The following TNIK variants were observed in gnomAD, a reference collection of about 807,000 sequenced individuals.
TNIK encodes TRAF2 and NCK interacting kinase.
Under a neutral mutation model 191.3 loss-of-function variants are expected in TNIK, and 49 were observed. The observed-to-expected ratio is 0.26, with a 90% CI of 0.20 to 0.32. TNIK has a LOEUF of 0.32. Ranked by LOEUF, TNIK falls within the 10% of genes least tolerant of loss-of-function variation. The pLI is 1.00. For synonymous variants in TNIK, 594 were observed against 600.9 expected (o/e 0.99, Z 0.17); for missense variants, 1,155 against 1,702.3 (o/e 0.68, Z 5.66).
intron 21 of TNIK, among the ~76,000 whole-genome samples, chr3:171,102,598 G>C (rs1394320925): frequency 2.0e-5 from 3 of 152,160 alleles, no homozygotes; most frequent in Non-Finnish European, 4.4e-5. Context: ...CATGCAAATG[G>C]GGAAAAAGCA....
intron 2 of TNIK, among the ~76,000 whole-genome samples, chr3:171,359,286 G>A (rs563244233): frequency 5.3e-5 from 8 of 152,122 alleles, no homozygotes; most frequent in African/African-American, 1.2e-4. Flanking sequence ...AAACAGTAAC[G>A]GGCAAGTTTT....
intron 18 of TNIK, among the ~76,000 whole-genome samples, chr3:171,120,629 A>C (rs1727588655): frequency 6.6e-6 from 1 of 151,926 alleles, no homozygotes; most frequent in Non-Finnish European, 1.5e-5. Flanking sequence ...TCTTTTTTTA[A>C]AAAATTGATT....
intron 11 of TNIK, among the ~76,000 whole-genome samples, chr3:171,157,911 T>C (rs1179566696): frequency 6.6e-6 from 1 of 152,160 alleles, no homozygotes; most frequent in Non-Finnish European, 1.5e-5. Context: ...GGATGTCACA[T>C]TCTCAGAGTT....
intron 4 of TNIK, among the ~76,000 whole-genome samples, chr3:171,199,908 A>G (rs757117635): frequency 1.3e-5 from 2 of 152,248 alleles, no homozygotes; most frequent in African/African-American, 2.4e-5. Context: ...AGTTTCTGAC[A>G]TGGAAGATAG....
At chr3:171,421,439 A>G (rs1372631862) in intron 1 of TNIK, among the ~76,000 whole-genome samples, 4 of 152,174 alleles carry the variant, frequency 2.6e-5, no homozygotes, top group Non-Finnish European at 5.9e-5. Flanking sequence ...TAGCCCCTTC[A>G]TGGGCCTGTG....
intron 1 of TNIK, among the ~76,000 whole-genome samples, chr3:171,418,512 T>TA (rs1467153581): frequency 6.6e-6 from 1 of 152,096 alleles, no homozygotes; most frequent in Non-Finnish European, 1.5e-5. Context: ...ATTTGGTCAT[T>TA]AAAAGGAGTG....
intron 1 of TNIK, among the ~76,000 whole-genome samples, chr3:171,380,209 A>C (rs1306763802): frequency 6.6e-6 from 1 of 152,206 alleles, no homozygotes; most frequent in Non-Finnish European, 1.5e-5. Context: ...ATTTGCAAAC[A>C]TGGGATCCTT....
intron 2 of TNIK, chr3:171,347,340 T>C: frequency 9.7e-7 from 1 of 1,026,784 alleles, no homozygotes; most frequent in Non-Finnish European, 1.4e-6. Flanking sequence ...AGATGCCTGG[T>C]ATACAAGTCC....
chr3:171,151,317 A>G (rs1363475543), intron 12 of TNIK, among the ~76,000 whole-genome samples: 1 of 152,228 alleles, frequency 6.6e-6, no homozygotes, highest in Non-Finnish European at 1.5e-5. Flanking sequence ...ATTATAACAA[A>G]TATTCTTCCC....
chr3:171,093,955 G>T lies in TNIK; in HGVS notation c.2605C>A (p.Pro869Thr). The T allele has an allele frequency of 6.2e-7, 1 of 1,613,032 alleles. No individual in the cohort carries two copies. The highest frequency in any genetic ancestry group is 8.5e-7 in the Non-Finnish European group (1 of 1,179,550). The change falls in exon 23 of 33, where the codon CCA (proline) becomes ACA (threonine). Residue 869 changes from proline to threonine, a missense_variant. Coordinates refer to ENST00000436636, the MANE Select transcript of TNIK (RefSeq NM_015028.4). ...ACATTGTACTGCTCGTTGCTGCCTG[G>T]AGCTCCTGTTGGTCTGAGATGAGAA... is the stretch of plus-strand genomic sequence containing the variant. ...DIPRLIPTGA[P>T]GSNEQYNVGM... is the part of the protein sequence containing the mutation.
chr3:171,412,900 C>G (rs532930972), intron 1 of TNIK, among the ~76,000 whole-genome samples: 1 of 152,272 alleles, frequency 6.6e-6, no homozygotes, highest in African/African-American at 2.4e-5. Context: ...AGAGGGAACA[C>G]AGCCAAGCTA....
chr3:171,314,912 A>G (rs1046282819), intron 2 of TNIK, among the ~76,000 whole-genome samples: 4 of 152,140 alleles, frequency 2.6e-5, no homozygotes, highest in African/African-American at 7.2e-5. Flanking sequence ...TGTCCTTTGC[A>G]AACAAAAAGC....
Position 171,460,159 on chromosome 3 carries a change from G to C in TNIK, c.-96C>G, listed in dbSNP as rs1350051805. On this transcript the variant is annotated 5_prime_UTR_variant, in exon 1 of 33. Transcript: ENST00000436636. This position sits in a 1 kb window ranked among gnomAD's most constrained non-coding sequence, Gnocchi z 6.8. Reference sequence around the variant, plus strand: ...CTATTTCACTCGCGTCCTCATGCGGGTGTCGCGCCAGAGGCCCCGGGCCCA... The same window carrying C: ...CTATTTCACTCGCGTCCTCATGCGGCTGTCGCGCCAGAGGCCCCGGGCCCA... 18 of 1,490,772 alleles carry C rather than the reference G, an allele frequency of 1.2e-5. No individual in the cohort carries two copies. The highest frequency in any genetic ancestry group is 5.6e-5 in the African/African-American group (4 of 72,048). The allele number at this position is 1,490,772 out of a possible 1,614,324, so 92.3% of individuals were successfully genotyped here. A position where few individuals can be genotyped will look rare whatever the true frequency, so the allele number is the denominator to read the frequency against.
chr3:171,226,027 A>G (rs1742920260), intron 3 of TNIK, among the ~76,000 whole-genome samples: 1 of 152,194 alleles, frequency 6.6e-6, no homozygotes, highest in Non-Finnish European at 1.5e-5. Context: ...GGAGCTTTGT[A>G]AAATGTTTAC....
rs563867817 is a variant in TNIK, at chr3:171,163,247, A to C, written c.950-1911T>G. ...GAGAACTTTCCTATTGGCAATGAGG[A>C]ACCCTTGGAGGAGCTTTTAAGCAAA... On this transcript the variant is annotated intron_variant, in intron 10 of 32. Coordinates refer to ENST00000436636, the MANE Select transcript of TNIK (RefSeq NM_015028.4). Among the ~76,000 whole-genome samples, 84 of 152,338 alleles carry C rather than the reference A, an allele frequency of 5.5e-4. No homozygotes were observed. The South Asian group carries it at 0.017, about 32-fold the overall frequency.
chr3:171,438,389 T>C (rs1428011841), intron 1 of TNIK, among the ~76,000 whole-genome samples: 1 of 152,212 alleles, frequency 6.6e-6, no homozygotes, highest in Non-Finnish European at 1.5e-5. Flanking sequence ...ACACATGAAA[T>C]TGTATTTTCA....
In TNIK at chr3:171,109,765, G is replaced by A. The variant is rs758916715; in HGVS notation, c.2284+949C>T. On this transcript the variant is annotated intron_variant, in intron 19 of 32. Transcript: ENST00000436636. Reference sequence around the variant, plus strand: ...TGAATTTTAACTAGCTAGAAACAATGTATTATTATGTATCAGCACCTGGAA... The same window carrying A: ...TGAATTTTAACTAGCTAGAAACAATATATTATTATGTATCAGCACCTGGAA... 7.0e-4 allele frequency among the ~76,000 whole-genome samples: 107 copies of A among 152,258 alleles called. 1 individual carries two copies. Among genetic ancestry groups the A allele is most frequent in the Non-Finnish European group, 1.4e-3 (96 of 68,016 alleles).
chr3:171,231,237 A>G (rs1430887095), intron 2 of TNIK, among the ~76,000 whole-genome samples: 1 of 152,022 alleles, frequency 6.6e-6, no homozygotes, highest in Non-Finnish European at 1.5e-5. Flanking sequence ...AATAAATAAG[A>G]TATCAGCTCT....
chr3:171,255,682 G>A (rs1276563139), intron 2 of TNIK, among the ~76,000 whole-genome samples: 1 of 152,178 alleles, frequency 6.6e-6, no homozygotes, highest in Non-Finnish European at 1.5e-5. Flanking sequence ...GGAATGTTTT[G>A]TGCCACAGGC....
Sources: gnomAD v4.1 joint callset for allele counts (sites outside exome capture counted in the v4.1 genomes callset) on GRCh38, gnomAD v4.1.1 for gene constraint, Gnocchi (gnomAD v3.1) non-coding constraint, MANE v1.5 for transcripts, NCBI Gene and HGNC (gene_info 2026-07-23, HGNC 2026-07-21) for gene names.